AKAP7: variants seen among roughly 807,000 people sequenced by gnomAD.
AKAP7 encodes A kinase (PRKA) anchor protein 7.
A neutral mutation model predicts 39.5 loss-of-function variants in AKAP7; 39 were observed. The ratio of observed to expected loss-of-function variants is 0.99; its 90% CI spans 0.76 to 1.29. The LOEUF (loss-of-function observed/expected upper bound fraction) is 1.29, where lower values mean the gene tolerates loss of function less well. Ranked by LOEUF, AKAP7 falls within the 50% of genes most tolerant of loss-of-function variation. The pLI, the probability that AKAP7 is intolerant of heterozygous loss-of-function variation, is 0.00. For synonymous variants in AKAP7, 140 were observed against 139.1 expected, an observed-to-expected ratio of 1.01 and a Z score of -0.05; for missense variants, 414 against 407.7, an observed-to-expected ratio of 1.02 and a Z score of -0.13.
intron 7 of AKAP7, among the ~76,000 whole-genome samples, chr6:131,266,728 GTCTC>G (rs774054132): frequency 2.9e-4 from 44 of 151,672 alleles, no homozygotes; most frequent in Non-Finnish European, 6.0e-4. Flanking sequence ...GGTGTGCTCT[GTCTC>G]TCTGTTCATT....
intron 5 of AKAP7, among the ~76,000 whole-genome samples, chr6:131,190,605 A>C (rs919751834): frequency 1.1e-4 from 17 of 151,774 alleles, no homozygotes; most frequent in Non-Finnish European, 2.4e-4. Context: ...AGATTGTACC[A>C]TTGCAATACA....
At chr6:131,169,444 C>T (rs1193603344) in intron 5 of AKAP7, among the ~76,000 whole-genome samples, 171 bp downstream of exon 5, 2 of 152,206 alleles carry the variant, frequency 1.3e-5, no homozygotes, top group Non-Finnish European at 2.9e-5. Context: ...CTTATCATAA[C>T]ATTTGACATA....
At chr6:131,158,764 C>T (rs1441110999) in intron 2 of AKAP7, among the ~76,000 whole-genome samples, 2 of 152,106 alleles carry the variant, frequency 1.3e-5, no homozygotes, top group Admixed American at 6.5e-5. Context: ...GCTTCAGCCT[C>T]CCAAAGTGCT....
intron 7 of AKAP7, among the ~76,000 whole-genome samples, chr6:131,225,747 C>T (rs1200231676): frequency 2.0e-5 from 3 of 152,146 alleles, no homozygotes; most frequent in Admixed American, 2.0e-4. Context: ...ACAGGAGAAA[C>T]TCATAAATCC....
chr6:131,165,803 T>C (rs1333631058), intron 4 of AKAP7, among the ~76,000 whole-genome samples: 1 of 152,188 alleles, frequency 6.6e-6, no homozygotes, highest in Non-Finnish European at 1.5e-5. Flanking sequence ...GATTACTGCT[T>C]TCCAATCTGG....
At chr6:131,227,949 A>G (rs557762568) in intron 7 of AKAP7, among the ~76,000 whole-genome samples, 11 of 152,344 alleles carry the variant, frequency 7.2e-5, no homozygotes, top group South Asian at 2.1e-4. Context: ...TCTAGTAGTC[A>G]TATGAGGGCA....
intron 7 of AKAP7, among the ~76,000 whole-genome samples, chr6:131,245,964 AGAAGATT>A (rs1491002831): frequency 1.3e-5 from 2 of 152,074 alleles, no homozygotes; most frequent in Non-Finnish European, 2.9e-5. Flanking sequence ...TGGAAGCCTC[AGAAGATT>A]GGGAATTTGT....
At chr6:131,152,841 A>G (rs934432776) in intron 2 of AKAP7, among the ~76,000 whole-genome samples, 1 of 140,998 alleles carries the variant, frequency 7.1e-6, no homozygotes, top group Non-Finnish European at 1.5e-5. Flanking sequence ...AAAAAAAAAA[A>G]AAAAAGTCCG....
intron 5 of AKAP7, among the ~76,000 whole-genome samples, chr6:131,197,356 C>T (rs961450246): frequency 6.6e-6 from 1 of 152,046 alleles, no homozygotes; most frequent in Non-Finnish European, 1.5e-5. Flanking sequence ...GCTCAAAATG[C>T]TTGTATAGCC....
rs1368034740 is a variant in AKAP7, at chr6:131,237,584, G to A, written c.850+17776G>A. On this transcript the variant is annotated intron_variant, in intron 7 of 7. Transcript: ENST00000431975. ...TATTAATTATTGCCTCAATTTCAGA[G>A]CCTGTTATTGGTCTATTCAGAGATT... Among the ~76,000 whole-genome samples the A allele has an allele frequency of 4.5e-4, 69 of 152,084 alleles. 1 individual carries two copies. In the East Asian group the frequency reaches 0.013, roughly 28 times the overall value.
At position 131,239,468 on chromosome 6, in the gene AKAP7, G is replaced by A. The variant is rs4544931; in HGVS notation, c.850+19660G>A. Among the ~76,000 whole-genome samples, 2,181 of 152,170 alleles carry A rather than the reference G, an allele frequency of 0.014. 143 individuals carry two copies. The East Asian group carries it at 0.18, about 12-fold the overall frequency. On this transcript the variant is annotated intron_variant, in intron 7 of 7. Coordinates refer to ENST00000431975, the MANE Select transcript of AKAP7 (RefSeq NM_016377.4). ...AATATTTGCTTGCCTTGCTAGATTG[G>A]GGAAGTTCTCCTGGATAATATCCTG...
At chr6:131,151,469 G>A (rs566006986) in intron 2 of AKAP7, among the ~76,000 whole-genome samples, 4 of 151,914 alleles carry the variant, frequency 2.6e-5, no homozygotes, top group South Asian at 2.1e-4. Flanking sequence ...ATATGGCCGG[G>A]TGTGGTGGCT....
At chr6:131,134,222 T>C (rs573450757), upstream of AKAP7, among the ~76,000 whole-genome samples, 22 of 152,334 alleles carry the variant, frequency 1.4e-4, no homozygotes, top group South Asian at 3.9e-3. Context: ...TCCACTCGCC[T>C]TGACCTCCCA....
chr6:131,182,988 AAAG>A (rs1805427876), intron 5 of AKAP7, among the ~76,000 whole-genome samples: 1 of 152,192 alleles, frequency 6.6e-6, no homozygotes, highest in Non-Finnish European at 1.5e-5. Context: ...TGGGGGAAAA[AAAG>A]CTGTATTTCA....
intron 2 of AKAP7, among the ~76,000 whole-genome samples, chr6:131,156,873 C>G (rs1802463759): frequency 1.3e-5 from 2 of 151,684 alleles, no homozygotes; most frequent in African/African-American, 4.8e-5. Flanking sequence ...CTCCCGGGTT[C>G]ACGCCATTCT....
rs1457946516 is a variant in AKAP7 at position 131,156,931 on chromosome 6, C to CG, written c.152-3127dup. Among the ~76,000 whole-genome samples the CG allele has an allele frequency of 9.5e-4, 145 of 152,064 alleles. 2 individuals are homozygous for CG. Among genetic ancestry groups the CG allele is most frequent in the African/African-American group, 3.4e-3 (141 of 41,520 alleles). On this transcript the variant is annotated intron_variant, in intron 2 of 7. Coordinates refer to ENST00000431975, the MANE Select transcript of AKAP7 (RefSeq NM_016377.4). Reference sequence around the variant, plus strand: ...CTGGGACTACAGGCGGTCGCCACCACGCCTGGCTAATTTTTTTGTATTTTT... The same window carrying CG: ...CTGGGACTACAGGCGGTCGCCACCACGGCCTGGCTAATTTTTTTGTATTTTT...
chr6:131,204,822 A>G (rs951264609), intron 6 of AKAP7, among the ~76,000 whole-genome samples: 6 of 152,194 alleles, frequency 3.9e-5, no homozygotes, highest in Non-Finnish European at 8.8e-5. Flanking sequence ...GGGGTGGTGT[A>G]TAGTGAGACT....
At chr6:131,258,939 C>T (rs946945494) in intron 7 of AKAP7, among the ~76,000 whole-genome samples, 3 of 152,004 alleles carry the variant, frequency 2.0e-5, no homozygotes, top group Admixed American at 6.6e-5. Flanking sequence ...ATCTCATATT[C>T]CCAAGGGAGT....
Position 131,206,774 on chromosome 6 carries a change from TGTCC to T in AKAP7, c.702+7202_702+7205del, listed in dbSNP as rs1434969912. The stretch of plus-strand genomic sequence containing the variant: ...CTAGCTAGCTGTCTGTCTGTCTGTC[TGTCC>T]ATCCATCCATCTATCTATCTATCTA... On this transcript the variant is annotated intron_variant, in intron 6 of 7. Transcript: ENST00000431975. Among the ~76,000 whole-genome samples, 226 of 146,936 alleles carry T rather than the reference TGTCC, an allele frequency of 1.5e-3. 1 individual carries two copies. Among genetic ancestry groups the T allele is most frequent in the African/African-American group, 5.3e-3 (216 of 40,402 alleles).
Sources: allele counts gnomAD v4.1 joint callset (sites outside exome capture counted in the v4.1 genomes callset), GRCh38; gene constraint gnomAD v4.1.1; transcripts MANE v1.5; gene names NCBI Gene and HGNC (gene_info 2026-07-23, HGNC 2026-07-21).